HCK: variants seen among roughly 807,000 people sequenced by gnomAD.
The protein encoded by HCK is HCK proto-oncogene, Src family tyrosine kinase.
A neutral mutation model predicts 70.4 loss-of-function variants in HCK; 40 were observed. The ratio of observed to expected loss-of-function variants is 0.57; its 90% confidence interval spans 0.44 to 0.74. The LOEUF (loss-of-function observed/expected upper bound fraction) is 0.74. Among genes scored for constraint, HCK ranks in the 30% least tolerant of loss-of-function variants. HCK has a pLI of 0.00. For synonymous variants in HCK, 245 were observed against 263.2 expected (o/e 0.93, Z 0.67); for missense variants, 568 against 697.2 (o/e 0.81, Z 2.09).
chr20:32,053,081 G>A (rs1333565686), intron 1 of HCK, among the ~76,000 whole-genome samples: 1 of 152,154 alleles, frequency 6.6e-6, no homozygotes, highest in Non-Finnish European at 1.5e-5. Context: ...TTCCTCCTTG[G>A]ACGAATTCTC....
intron 11 of HCK, among the ~76,000 whole-genome samples, chr20:32,094,486 C>T (rs1215643907): frequency 4.6e-5 from 7 of 151,972 alleles, no homozygotes; most frequent in Non-Finnish European, 1.5e-5. Context: ...TCAAGACCAG[C>T]CTGGGCAACA....
At chr20:32,077,831 T>G (rs1379854559) in intron 5 of HCK, among the ~76,000 whole-genome samples, 1 of 151,700 alleles carries the variant, frequency 6.6e-6, no homozygotes, top group Non-Finnish European at 1.5e-5. Context: ...GACACCTCCT[T>G]CCTTTTTATA....
At chr20:32,054,408 A>C in intron 1 of HCK, 1 of 410,184 alleles carries the variant, frequency 2.4e-6, no homozygotes, top group Non-Finnish European at 4.9e-6. Flanking sequence ...CCGGGGAAGC[A>C]GAAGTCGCAG....
Position 32,073,701 on chromosome 20 carries a change from T to A in HCK, c.227-15T>A. On this transcript the variant is annotated splice_polypyrimidine_tract_variant and intron_variant, in intron 3 of 12. Transcript: ENST00000375852. ...CTTAGACGAAACCTCACCCTCTGTG[T>A]GTCTCCCTTCCCAGCAGGCTCTGAG... 1 of 1,539,460 alleles carries A rather than the reference T, an allele frequency of 6.5e-7. No homozygotes were observed. Among genetic ancestry groups the A allele is most frequent in the Non-Finnish European group, 8.8e-7 (1 of 1,135,158 alleles).
chr20:32,064,082 C>A (rs1256564187), intron 1 of HCK, among the ~76,000 whole-genome samples: 2 of 145,946 alleles, frequency 1.4e-5, no homozygotes, highest in African/African-American at 5.1e-5. Flanking sequence ...CGGCTCACTG[C>A]AACCTCCACC....
At position 32,070,375 on chromosome 20, in the gene HCK, G is replaced by A. The variant is rs182715825; in HGVS notation, c.63-1287G>A. Among the ~76,000 whole-genome samples, 6 of 152,216 alleles carry A rather than the reference G, an allele frequency of 3.9e-5. No individual in the cohort carries two copies. In the East Asian group the frequency reaches 1.2e-3, roughly 29 times the overall value. Reference sequence around the variant, plus strand: ...CTTACTGGCCCTACAGGATATGGTGGCCTTGTCACAACCACCCTCTTCCCT... The same window carrying A: ...CTTACTGGCCCTACAGGATATGGTGACCTTGTCACAACCACCCTCTTCCCT... On this transcript the variant is annotated intron_variant, in intron 1 of 12. Transcript: ENST00000375852.
chr20:32,089,242 G>A (rs1156766013), intron 10 of HCK, among the ~76,000 whole-genome samples: 1 of 152,242 alleles, frequency 6.6e-6, no homozygotes, highest in Non-Finnish European at 1.5e-5. Context: ...AGTGTGGGAG[G>A]GGACTGACCA....
chr20:32,083,777 C>G, intron 6 of HCK, 117 bp from the exon 7 acceptor site: 1 of 1,255,824 alleles, frequency 8.0e-7, no homozygotes, highest in South Asian at 1.2e-5. Context: ...CCCTCGGGCA[C>G]TTCTGCCCAG....
At chr20:32,071,038 A>T (rs1323993863) in intron 1 of HCK, among the ~76,000 whole-genome samples, 2 of 152,000 alleles carry the variant, frequency 1.3e-5, no homozygotes, top group Non-Finnish European at 2.9e-5. Flanking sequence ...TACCAGTAAT[A>T]CGGTGCCTTG....
chr20:32,080,332 G>T (rs1285845534), intron 6 of HCK, among the ~76,000 whole-genome samples: 1 of 152,076 alleles, frequency 6.6e-6, no homozygotes, highest in African/African-American at 2.4e-5. Context: ...CCAAGTAGCT[G>T]GGATTACAAG....
chr20:32,057,692 CT>C (rs2122457651), intron 1 of HCK, among the ~76,000 whole-genome samples: 1 of 152,314 alleles, frequency 6.6e-6, no homozygotes, highest in South Asian at 2.1e-4. Context: ...CTCTCTCAGC[CT>C]CTTTCTTTCT....
intron 4 of HCK, among the ~76,000 whole-genome samples, chr20:32,074,279 G>A (rs148820354): frequency 6.6e-6 from 1 of 152,248 alleles, no homozygotes; most frequent in East Asian, 1.9e-4. Flanking sequence ...CCTATTCTCA[G>A]CCCCAGCTGA....
intron 9 of HCK, 29 bp downstream of exon 9, chr20:32,086,836 G>C (rs1451724267): frequency 3.9e-6 from 6 of 1,557,990 alleles, no homozygotes; most frequent in African/African-American, 1.4e-5. Context: ...GGGGGTGCAG[G>C]CTGTGGCCTA....
intron 5 of HCK, among the ~76,000 whole-genome samples, chr20:32,076,541 A>G (rs2045628836): frequency 6.6e-6 from 1 of 152,204 alleles, no homozygotes; most frequent in East Asian, 1.9e-4. Context: ...CAAAGGCAAC[A>G]TAATTGCTAA....
intron 10 of HCK, among the ~76,000 whole-genome samples, chr20:32,092,535 G>T (rs926688): frequency 0.46 from 69,858 of 151,954 alleles, 18,770 homozygotes; most frequent in African/African-American, 0.76. Context: ...CAGTCTGTTA[G>T]TCACTCAGCA....
At position 32,061,624 on chromosome 20, in the gene HCK, A is replaced by G. The variant is rs565562685; in HGVS notation, c.62+9138A>G. On this transcript the variant is annotated intron_variant, in intron 1 of 12. Transcript: ENST00000375852. ...CTGTCTTTGCCAGGGTGATGAGGGA[A>G]GGTTGCTCTGAGAAGGTACAATCAT... 3.3e-5 allele frequency among the ~76,000 whole-genome samples: 5 copies of G among 152,320 alleles called. No individual in the cohort carries two copies. In the South Asian group the frequency reaches 8.3e-4, roughly 25 times the overall value.
intron 4 of HCK, among the ~76,000 whole-genome samples, chr20:32,074,405 C>G (rs1349878205): frequency 2.0e-5 from 3 of 151,446 alleles, no homozygotes; most frequent in Non-Finnish European, 4.4e-5. Flanking sequence ...GGGCTGTGGA[C>G]AGGGAGATTC....
intron 1 of HCK, among the ~76,000 whole-genome samples, chr20:32,063,214 T>C (rs1358182098): frequency 6.6e-6 from 1 of 152,178 alleles, no homozygotes; most frequent in African/African-American, 2.4e-5. Context: ...TAGAACATAA[T>C]ATATCCATTA....
At chr20:32,056,484 C>A (rs1182239309) in intron 1 of HCK, among the ~76,000 whole-genome samples, 1 of 151,544 alleles carries the variant, frequency 6.6e-6, no homozygotes, top group Non-Finnish European at 1.5e-5. Context: ...CCACTGCACT[C>A]TAGCCTGGGC....
Sources: allele counts gnomAD v4.1 joint callset (sites outside exome capture counted in the v4.1 genomes callset), GRCh38; gene constraint gnomAD v4.1.1; transcripts MANE v1.5; gene names NCBI Gene and HGNC (gene_info 2026-07-23, HGNC 2026-07-21).